Variants in BMPR1A observed in about 807,000 individuals in gnomAD.
The protein encoded by BMPR1A is bone morphogenetic protein receptor type 1A, also known as bone morphogenetic protein receptor type-1A.
BMPR1A carries 7 observed loss-of-function variants against 66.0 expected under a neutral mutation model. The observed-to-expected ratio is 0.11, with a 90% CI of 0.06 to 0.20. The LOEUF (loss-of-function observed/expected upper bound fraction) is 0.20. BMPR1A is among the 10% of genes least tolerant of loss of function. The probability of loss-of-function intolerance (pLI) is 1.00; values close to 1 mark genes in which losing one functional copy is unlikely to be tolerated. For missense variants in BMPR1A, 408 were observed against 669.1 expected, an observed-to-expected ratio of 0.61 and a Z score of 4.31; for synonymous variants, 200 against 229.7, an observed-to-expected ratio of 0.87 and a Z score of 1.17.
At chr10:86,868,818 T>C (rs1189261673) in intron 2 of BMPR1A, among the ~76,000 whole-genome samples, 1 of 148,986 alleles carries the variant, frequency 6.7e-6, no homozygotes, top group East Asian at 1.9e-4. Context: ...GTTGGTTCAG[T>C]TGTCTTGCTG....
chr10:86,803,004 C>CAAAAAAA (rs59957238), intron 1 of BMPR1A, among the ~76,000 whole-genome samples: 3 of 75,944 alleles, frequency 4.0e-5, no homozygotes, highest in Non-Finnish European at 5.2e-5. Flanking sequence ...GACCCGGTCT[C>CAAAAAAA]AAAAAAAAAA....
intron 1 of BMPR1A, among the ~76,000 whole-genome samples, chr10:86,808,048 T>A (rs976031046): frequency 6.6e-6 from 1 of 152,238 alleles, no homozygotes; most frequent in Non-Finnish European, 1.5e-5. Flanking sequence ...TGTTGTTTTC[T>A]GTTTTGGAAG....
At chr10:86,887,484 T>C (rs1843081612) in intron 3 of BMPR1A, among the ~76,000 whole-genome samples, 1 of 152,220 alleles carries the variant, frequency 6.6e-6, no homozygotes, top group Admixed American at 6.5e-5. Flanking sequence ...ATTTTACATG[T>C]AGTTAAGCAC....
chr10:86,858,865 A>G (rs1488818760), intron 2 of BMPR1A, among the ~76,000 whole-genome samples: 1 of 152,204 alleles, frequency 6.6e-6, no homozygotes, highest in Non-Finnish European at 1.5e-5. Flanking sequence ...CAAGCTATAG[A>G]TTCAATGCAA....
At chr10:86,758,220 T>C (rs1847909354) in intron 1 of BMPR1A, among the ~76,000 whole-genome samples, 1 of 152,214 alleles carries the variant, frequency 6.6e-6, no homozygotes, top group Non-Finnish European at 1.5e-5. Flanking sequence ...TAATTTTTCC[T>C]CCATTTTCCG....
intron 1 of BMPR1A, among the ~76,000 whole-genome samples, chr10:86,773,597 GAAA>G (rs71019429): frequency 0.036 from 3,583 of 99,934 alleles, 121 homozygotes; most frequent in African/African-American, 0.11. Context: ...GTCTCAGAAA[GAAA>G]AAAAAAAAAA....
intron 1 of BMPR1A, among the ~76,000 whole-genome samples, chr10:86,760,568 A>C (rs1406770521): frequency 6.6e-6 from 1 of 151,960 alleles, no homozygotes; most frequent in African/African-American, 2.4e-5. Context: ...TATTAGTTTC[A>C]CTACTAGTTT....
chr10:86,929,440 C>T (rs1843788040), downstream of BMPR1A: 1 of 152,206 alleles, frequency 6.6e-6, no homozygotes, highest in East Asian at 1.9e-4. Context: ...GTCCCACCGC[C>T]AGTCAGGGCT....
rs567850101 is a variant in BMPR1A, at chr10:86,924,006, T to G, written c.*287T>G. ...ACTGCATCAAGACTTCAATCCTGAT[T>G]AGTGTCTCCAGTCAAGCTCTGGGTA... On this transcript the variant is annotated 3_prime_UTR_variant, in exon 13 of 13. Coordinates refer to ENST00000372037, the MANE Select transcript of BMPR1A (RefSeq NM_004329.3). 10 of 460,590 alleles carry G rather than the reference T, an allele frequency of 2.2e-5. No homozygotes were observed. In the South Asian group the frequency reaches 2.2e-4, roughly 10 times the overall value. 28.5% of individuals were successfully genotyped at this position (460,590 alleles called of 1,614,324 possible).
Position 86,838,870 on chromosome 10 carries a change from T to C in BMPR1A, c.-262T>C, listed in dbSNP as rs925994606. 4 of 152,314 alleles carry C rather than the reference T, an allele frequency of 2.6e-5. No homozygotes were observed. Among genetic ancestry groups the C allele is most frequent in the Non-Finnish European group, 5.9e-5 (4 of 68,038 alleles). The allele number at this position is 152,314 out of a possible 1,614,324, so 9.4% of individuals were successfully genotyped here. A position where few individuals can be genotyped will look rare whatever the true frequency, so the allele number is the denominator to read the frequency against. On this transcript the variant is annotated 5_prime_UTR_variant, in exon 2 of 13. It removes an upstream start codon present in the reference 5' UTR. Transcript: ENST00000372037. ...TTCTTTTTTTTTCTAAACAGACTTA[T>C]GAAAATATGCATCAGTTTAATACTG...
chr10:86,799,320 T>G (rs1230392068), intron 1 of BMPR1A, among the ~76,000 whole-genome samples: 1 of 152,168 alleles, frequency 6.6e-6, no homozygotes, highest in Non-Finnish European at 1.5e-5. Context: ...GATAATAATA[T>G]CAACTTCACA....
chr10:86,898,771 C>T (rs1349604957), intron 5 of BMPR1A, among the ~76,000 whole-genome samples: 3 of 152,098 alleles, frequency 2.0e-5, no homozygotes, highest in Non-Finnish European at 4.4e-5. Flanking sequence ...TTTCATTCAT[C>T]GTTAGTTATA....
intron 1 of BMPR1A, among the ~76,000 whole-genome samples, chr10:86,829,380 A>T (rs1313297333): frequency 6.6e-6 from 1 of 152,180 alleles, no homozygotes; most frequent in Admixed American, 6.5e-5. Context: ...ATTGCAAAAA[A>T]TAGTAAGGAG....
intron 11 of BMPR1A, 142 bp from the exon 12 acceptor site, chr10:86,923,234 A>T: frequency 8.7e-7 from 1 of 1,155,090 alleles, no homozygotes; most frequent in South Asian, 1.3e-5. Context: ...TACATCTACT[A>T]TTAAGAGTGA....
chr10:86,788,696 C>T (rs1409101018), intron 1 of BMPR1A, among the ~76,000 whole-genome samples: 1 of 150,974 alleles, frequency 6.6e-6, no homozygotes, highest in Non-Finnish European at 1.5e-5. Flanking sequence ...TAACCTCCGC[C>T]TCCTGGGTTC....
chr10:86,888,064 T>C (rs1024635396), intron 3 of BMPR1A, among the ~76,000 whole-genome samples: 2 of 152,076 alleles, frequency 1.3e-5, no homozygotes. Context: ...AGCCTTGACA[T>C]TATATTACGG....
intron 1 of BMPR1A, among the ~76,000 whole-genome samples, chr10:86,804,400 C>T (rs1196598804): frequency 1.3e-5 from 2 of 152,038 alleles, no homozygotes; most frequent in Middle Eastern, 3.2e-3. Context: ...CCACCACACC[C>T]GGCTAATTTT....
At chr10:86,810,041 G>T (rs957961238) in intron 1 of BMPR1A, among the ~76,000 whole-genome samples, 1 of 151,820 alleles carries the variant, frequency 6.6e-6, no homozygotes, top group Admixed American at 6.6e-5. Flanking sequence ...CATGATCTCG[G>T]CTCACTGCAA....
At chr10:86,772,382 G>C (rs996275225) in intron 1 of BMPR1A, among the ~76,000 whole-genome samples, 1 of 151,880 alleles carries the variant, frequency 6.6e-6, no homozygotes, top group Non-Finnish European at 1.5e-5. Flanking sequence ...TCCCCACCTT[G>C]GTCTCCCAAA....
Sources: allele counts gnomAD v4.1 joint callset (sites outside exome capture counted in the v4.1 genomes callset), GRCh38; gene constraint gnomAD v4.1.1; transcripts MANE v1.5; gene names NCBI Gene and HGNC (gene_info 2026-07-23, HGNC 2026-07-21).